The following CCNT1 variants were observed in gnomAD, a reference collection of about 807,000 sequenced individuals.
CCNT1 encodes the protein cyclin-T1.
In CCNT1, 18 loss-of-function variants were observed where a neutral mutation model predicts 67.3. The ratio of observed to expected loss-of-function variants is 0.27; its 90% CI spans 0.18 to 0.40. The LOEUF is 0.40. Among genes scored for constraint, CCNT1 ranks in the 10% least tolerant of loss-of-function variants. CCNT1 has a pLI of 1.00. For synonymous variants in CCNT1, 333 were observed against 310.3 expected, an observed-to-expected ratio of 1.07 and a Z score of -0.77; for missense variants, 744 against 884.9, an observed-to-expected ratio of 0.84 and a Z score of 2.02.
In CCNT1 at chr12:48,696,027, G is replaced by T; in HGVS notation, c.678C>A (p.Asp226Glu). 1 of 1,614,000 alleles carries T rather than the reference G, an allele frequency of 6.2e-7. No homozygotes were observed. The highest frequency in any genetic ancestry group is 1.6e-4 in the Middle Eastern group (1 of 6,062). ...TDGKHWWEYV[D>E]ATVTLELLDE... Reference sequence around the variant, plus strand: ...CTAAAAGTTCCAAGGTCACAGTGGCGTCAACATACTCCCACCAGTGCTTCC... The same window carrying T: ...CTAAAAGTTCCAAGGTCACAGTGGCTTCAACATACTCCCACCAGTGCTTCC... Residue 226 changes from aspartate to glutamate, a missense_variant, in exon 7 of 9, where the codon GAC becomes GAA. Around this residue, in one of 3 missense-constraint regions of CCNT1, gnomAD observed 142 missense variants for 277.0 expected, o/e 0.51. Coordinates refer to ENST00000261900, the MANE Select transcript of CCNT1 (RefSeq NM_001240.4).
In CCNT1 at chr12:48,693,120, G is replaced by T. The variant is rs1437399191; in HGVS notation, c.2094C>A (p.Ile698=). The change falls in exon 9 of 9, where the codon ATC becomes ATA. Residue 698 remains isoleucine (I), a synonymous_variant. Transcript: ENST00000261900. ...TGTCTGTATTGCCAGATCTCGAGGA[G>T]ATTCCACCAGACCGAGGATTCAGAT... ...SDYLNPRSGG[I]SSRSGNTDKP... is the part of the protein sequence containing the mutation. The T allele has an allele frequency of 1.2e-6, 2 of 1,614,032 alleles. No individual in the cohort carries two copies. Among genetic ancestry groups the T allele is most frequent in the Non-Finnish European group, 1.7e-6 (2 of 1,180,020 alleles).
intron 3 of CCNT1, among the ~76,000 whole-genome samples, chr12:48,702,783 C>T (rs1427822919): frequency 6.6e-6 from 1 of 151,886 alleles, no homozygotes; most frequent in Non-Finnish European, 1.5e-5. Context: ...CACCACGGCA[C>T]TCCGGCCTGG....
intron 2 of CCNT1, 45 bp from the exon 3 acceptor site, chr12:48,705,941 T>C: frequency 6.4e-7 from 1 of 1,573,596 alleles, no homozygotes; most frequent in Non-Finnish European, 8.7e-7. Flanking sequence ...AATTTATTCA[T>C]TCATAGAGTA....
chr12:48,696,721 C>T (rs943596968), intron 6 of CCNT1, among the ~76,000 whole-genome samples: 1 of 152,112 alleles, frequency 6.6e-6, no homozygotes, highest in Admixed American at 6.5e-5. Flanking sequence ...AAAACTTTTT[C>T]GTAACAGGCT....
chr12:48,698,017 C>A, intron 6 of CCNT1, 121 bp downstream of exon 6: 5 of 558,150 alleles, frequency 9.0e-6, no homozygotes, highest in Non-Finnish European at 9.1e-6. Flanking sequence ...ATTTAAAGTA[C>A]AACATGAAAA....
At chr12:48,715,674 G>A (rs867903330) in intron 1 of CCNT1, among the ~76,000 whole-genome samples, 2 of 152,030 alleles carry the variant, frequency 1.3e-5, no homozygotes, top group Non-Finnish European at 2.9e-5. Flanking sequence ...TGTTGGCCAG[G>A]CTGGTCTCGA....
chr12:48,709,850 T>A (rs1214603736), intron 2 of CCNT1, among the ~76,000 whole-genome samples: 1 of 152,146 alleles, frequency 6.6e-6, no homozygotes, highest in African/African-American at 2.4e-5. Flanking sequence ...TGTACTGTCT[T>A]AATTTTTACC....
chr12:48,698,187 AAG>A lies in CCNT1; in HGVS notation c.497-6_497-5del. ...GTCTGTGCTAAGTCCTTGCTTGCTA[AAG>A]AAAAAAAAAAAAAGTCAGGGGTGGG... On this transcript the variant is annotated splice_polypyrimidine_tract_variant and splice_region_variant and intron_variant, in intron 5 of 8. Coordinates refer to ENST00000261900, the MANE Select transcript of CCNT1 (RefSeq NM_001240.4). The A allele has an allele frequency of 1.4e-6, 2 of 1,448,188 alleles. No homozygotes were observed. Among genetic ancestry groups the A allele is most frequent in the Admixed American group, 2.3e-5 (1 of 42,664 alleles). The allele number at this position is 1,448,188 out of a possible 1,614,324, so 89.7% of individuals were successfully genotyped here.
At chr12:48,696,194 C>T (rs1462982843) in intron 6 of CCNT1, 32 bp from the exon 7 acceptor site, 14 of 1,126,634 alleles carry the variant, frequency 1.2e-5, no homozygotes, top group Non-Finnish European at 1.5e-5. Context: ...CAGAGAGTGT[C>T]ATGAGCTCTC....
intron 1 of CCNT1, among the ~76,000 whole-genome samples, chr12:48,715,427 C>T (rs540208801): frequency 1.3e-5 from 2 of 151,710 alleles, no homozygotes; most frequent in Non-Finnish European, 2.9e-5. Context: ...TCCTAACAAA[C>T]AAAAATATGT....
At chr12:48,701,205 C>A (rs1408785602) in intron 3 of CCNT1, 132 bp from the exon 4 acceptor site, 8 of 268,222 alleles carry the variant, frequency 3.0e-5, no homozygotes, top group Admixed American at 1.7e-4. Context: ...GAGTTAAGAA[C>A]TGAAATACAA....
Position 48,705,830 on chromosome 12 carries a change from C to T in CCNT1, c.310G>A (p.Val104Ile). 6.2e-6 allele frequency: 10 copies of T among 1,613,732 alleles called. No individual in the cohort carries two copies. Among genetic ancestry groups the T allele is most frequent in the Non-Finnish European group, 8.5e-6 (10 of 1,179,758 alleles). The change falls in exon 3 of 9, where the codon GTC becomes ATC. Residue 104 changes from valine to isoleucine, a missense_variant. Around this residue, in one of 3 missense-constraint regions of CCNT1, gnomAD observed 142 missense variants for 277.0 expected, o/e 0.51. Coordinates refer to ENST00000261900, the MANE Select transcript of CCNT1 (RefSeq NM_001240.4). The part of the protein sequence containing the change: ...VEEQPKKLEH[V>I]IKVAHTCLHP... ...AGACAAGTATGTGCTACCTTGATGA[C>T]ATGTTCCAATTTTTTGGGCTGCTCC...
intron 3 of CCNT1, among the ~76,000 whole-genome samples, chr12:48,702,437 TA>T (rs1349536389): frequency 6.6e-6 from 1 of 152,234 alleles, no homozygotes; most frequent in Non-Finnish European, 1.5e-5. Flanking sequence ...GAAATGTAGC[TA>T]AATTGAAACG....
At position 48,709,895 on chromosome 12, in the gene CCNT1, A is replaced by ATTTT. The variant is rs202022157; in HGVS notation, c.244-4003_244-4000dup. ...TATTATAATATCTTTGGGTTTCTTC[A>ATTTT]TTTTTTTTTTTTTGAGATGGAGTCT... On this transcript the variant is annotated intron_variant, in intron 2 of 8. Transcript: ENST00000261900. Among the ~76,000 whole-genome samples the ATTTT allele has an allele frequency of 9.0e-3, 1,279 of 142,792 alleles. 24 individuals carry two copies. The highest frequency in any genetic ancestry group is 0.032 in the African/African-American group (1,234 of 39,086). The allele number at this position is 142,792 out of a possible 152,430, so 93.7% of individuals were successfully genotyped here. A position where few individuals can be genotyped will look rare whatever the true frequency, so the allele number is the denominator to read the frequency against.
chr12:48,701,476 G>A (rs2137232354), intron 3 of CCNT1, among the ~76,000 whole-genome samples: 1 of 152,066 alleles, frequency 6.6e-6, no homozygotes, highest in South Asian at 2.1e-4. Flanking sequence ...GTAGTATGCT[G>A]AGAGGTAACA....
At chr12:48,712,652 A>C (rs1407897062) in intron 2 of CCNT1, among the ~76,000 whole-genome samples, 1 of 136,238 alleles carries the variant, frequency 7.3e-6, no homozygotes, top group Non-Finnish European at 1.6e-5. Flanking sequence ...ATCCATTTGA[A>C]GTATACAGCC....
At chr12:48,716,309 C>T (rs1041789374) in intron 1 of CCNT1, among the ~76,000 whole-genome samples, 1 of 152,264 alleles carries the variant, frequency 6.6e-6, no homozygotes, top group Non-Finnish European at 1.5e-5. Context: ...GCTGGCGGCA[C>T]GGGTGAGCGA....
In CCNT1 at chr12:48,688,532, T is replaced by C. The variant is rs1940022987; in HGVS notation, c.*4501A>G. ...GAGAAACATACTTGACAGCAAGATA[T>C]CAAACTGATAGCCAGACTATAAAAT... On this transcript the variant is annotated 3_prime_UTR_variant, in exon 9 of 9. Coordinates refer to ENST00000261900, the MANE Select transcript of CCNT1 (RefSeq NM_001240.4). 6.6e-6 allele frequency: 1 copy of C among 152,128 alleles called. No individual in the cohort carries two copies. Among genetic ancestry groups the C allele is most frequent in the Non-Finnish European group, 1.5e-5 (1 of 68,020 alleles). The allele number at this position is 152,128 out of a possible 1,614,324, so 9.4% of individuals were successfully genotyped here.
At chr12:48,698,232 A>G in intron 5 of CCNT1, 49 bp from the exon 6 acceptor site, 1 of 1,277,990 alleles carries the variant, frequency 7.8e-7, no homozygotes, top group East Asian at 2.3e-5. Context: ...AAAAGTTATT[A>G]GTTCCATTCA....
Sources: gnomAD v4.1 joint callset for allele counts (sites outside exome capture counted in the v4.1 genomes callset) on GRCh38, gnomAD v4.1.1 for gene constraint, gnomAD v4.1.1 regional missense constraint, MANE v1.5 for transcripts, NCBI Gene and HGNC (gene_info 2026-07-23, HGNC 2026-07-21) for gene names.